PARN: variants seen among roughly 807,000 people sequenced by gnomAD.
PARN encodes the protein poly(A)-specific ribonuclease, also known as poly(A)-specific ribonuclease PARN.
A neutral mutation model predicts 102.8 loss-of-function variants in PARN; 71 were observed. The observed-to-expected ratio is 0.69, with a 90% CI of 0.57 to 0.84. PARN has a LOEUF of 0.84. Ranked by LOEUF, PARN falls within the 40% of genes least tolerant of loss-of-function variation. PARN has a pLI of 0.00. For missense variants in PARN, 782 were observed against 760.9 expected (o/e 1.03, Z -0.33); for synonymous variants, 261 against 252.9 (o/e 1.03, Z -0.30).
At chr16:14,613,080 C>T (rs573076672) in intron 6 of PARN, among the ~76,000 whole-genome samples, 2 of 151,010 alleles carry the variant, frequency 1.3e-5, no homozygotes, top group Non-Finnish European at 3.0e-5. Context: ...GAGGCCAAGG[C>T]GGGCAGATCA....
chr16:14,596,278 G>A (rs1393356598), intron 12 of PARN, among the ~76,000 whole-genome samples: 1 of 152,008 alleles, frequency 6.6e-6, no homozygotes. Flanking sequence ...CTTGTTCAGA[G>A]GGCACAGGAG....
chr16:14,617,407 A>T (rs1054739539), intron 6 of PARN, among the ~76,000 whole-genome samples, 183 bp downstream of exon 6: 1 of 149,416 alleles, frequency 6.7e-6, no homozygotes, highest in Non-Finnish European at 1.5e-5. Context: ...AAAAAAAATC[A>T]CAGTAAGCAA....
intron 18 of PARN, chr16:14,565,035 A>T (rs981679535): frequency 1.3e-5 from 2 of 152,224 alleles, no homozygotes; most frequent in Non-Finnish European, 2.9e-5. Flanking sequence ...GCTCTACTGT[A>T]CTTGCAAACG....
At chr16:14,505,823 G>A (rs1243501233) in intron 21 of PARN, among the ~76,000 whole-genome samples, 2 of 152,092 alleles carry the variant, frequency 1.3e-5, no homozygotes, top group South Asian at 2.1e-4. Context: ...AAATTTGAAT[G>A]ACATCCTTGC....
At chr16:14,446,100 C>T (rs1424631773) in intron 23 of PARN, among the ~76,000 whole-genome samples, 1 of 152,254 alleles carries the variant, frequency 6.6e-6, no homozygotes, top group Non-Finnish European at 1.5e-5. Context: ...CCGCCCCCTG[C>T]AGCAGGGAAT....
chr16:14,531,537 G>A (rs558400372), intron 21 of PARN, among the ~76,000 whole-genome samples: 9 of 152,152 alleles, frequency 5.9e-5, no homozygotes, highest in African/African-American at 1.9e-4. Context: ...CAGGTTCCCA[G>A]ATAAATTCAA....
At chr16:14,453,561 A>G (rs1961557756) in intron 22 of PARN, among the ~76,000 whole-genome samples, 2 of 152,208 alleles carry the variant, frequency 1.3e-5, no homozygotes, top group African/African-American at 4.8e-5. Flanking sequence ...ATAGAACAAT[A>G]CCCTCTCCCT....
At chr16:14,452,710 T>C (rs1961518193) in intron 22 of PARN, among the ~76,000 whole-genome samples, 1 of 152,250 alleles carries the variant, frequency 6.6e-6, no homozygotes. Flanking sequence ...GAGAGGCTAA[T>C]GGTTATTGGG....
intron 23 of PARN, among the ~76,000 whole-genome samples, chr16:14,443,000 T>C (rs1961013464): frequency 6.6e-6 from 1 of 152,218 alleles, no homozygotes; most frequent in South Asian, 2.1e-4. Flanking sequence ...TCCTCTAAAG[T>C]CTGGATGAGT....
intron 21 of PARN, among the ~76,000 whole-genome samples, chr16:14,494,644 T>C (rs1313417644): frequency 6.6e-6 from 1 of 152,200 alleles, no homozygotes; most frequent in Non-Finnish European, 1.5e-5. Flanking sequence ...GGGCCGGCGG[T>C]GCAGCCGGAA....
intron 12 of PARN, among the ~76,000 whole-genome samples, chr16:14,593,856 G>A (rs1247969382): frequency 1.3e-5 from 2 of 152,010 alleles, no homozygotes; most frequent in Non-Finnish European, 2.9e-5. Flanking sequence ...AATTAGCCAG[G>A]TGCGGTGGTG....
chr16:14,515,573 T>C (rs1014136523), intron 21 of PARN, among the ~76,000 whole-genome samples: 1 of 152,004 alleles, frequency 6.6e-6, no homozygotes, highest in Non-Finnish European at 1.5e-5. Flanking sequence ...AGGACACGCC[T>C]AAAAAAGAGA....
intron 14 of PARN, 111 bp downstream of exon 14, chr16:14,586,207 G>C (rs2061463651): frequency 1.4e-6 from 1 of 694,460 alleles, no homozygotes; most frequent in Non-Finnish European, 2.6e-6. Context: ...AACTCCCTAG[G>C]CTCAAGTGAT....
chr16:14,485,988 T>C (rs1279998478), intron 21 of PARN, among the ~76,000 whole-genome samples: 1 of 152,196 alleles, frequency 6.6e-6, no homozygotes, highest in East Asian at 1.9e-4. Context: ...GTGCCTGGCC[T>C]GGCTATTGCG....
intron 21 of PARN, among the ~76,000 whole-genome samples, chr16:14,493,641 AC>A (rs578036209): frequency 8.3e-4 from 126 of 152,210 alleles, no homozygotes; most frequent in Non-Finnish European, 1.6e-3. Flanking sequence ...GTAGAGCAAC[AC>A]CAAGTAGGCA....
chr16:14,499,417 C>T (rs1774003760), intron 21 of PARN, among the ~76,000 whole-genome samples: 1 of 152,276 alleles, frequency 6.6e-6, no homozygotes, highest in South Asian at 2.1e-4. Context: ...TGCTGAGGAA[C>T]TGCTTTTATT....
chr16:14,545,243 T>C (rs1056108694), intron 21 of PARN, among the ~76,000 whole-genome samples: 7 of 152,214 alleles, frequency 4.6e-5, no homozygotes, highest in Non-Finnish European at 7.3e-5. Flanking sequence ...TTGATGTTCT[T>C]TTTAAGTGCA....
chr16:14,609,200 A>C (rs1195087492), intron 7 of PARN, 77 bp from the exon 8 acceptor site: 3 of 690,712 alleles, frequency 4.3e-6, no homozygotes, highest in East Asian at 2.8e-5. Flanking sequence ...AATCACAACC[A>C]AAAACAGTCT....
At chr16:14,594,293 C>T (rs1332490808) in intron 12 of PARN, among the ~76,000 whole-genome samples, 2 of 152,152 alleles carry the variant, frequency 1.3e-5, no homozygotes, top group Non-Finnish European at 2.9e-5. Context: ...CAGCCCTCTT[C>T]GTGCAATGGG....
Sources: gnomAD v4.1 joint callset for allele counts (sites outside exome capture counted in the v4.1 genomes callset) on GRCh38, gnomAD v4.1.1 for gene constraint, MANE v1.5 for transcripts, NCBI Gene and HGNC (gene_info 2026-07-23, HGNC 2026-07-21) for gene names.